CASTOR2: variants seen among roughly 807,000 people sequenced by gnomAD.
CASTOR2 encodes the protein GATS protein like 2.
A neutral mutation model predicts 31.2 loss-of-function variants in CASTOR2; 8 were observed. The ratio of observed to expected loss-of-function variants is 0.26; its 90% CI spans 0.15 to 0.46. The LOEUF (loss-of-function observed/expected upper bound fraction) is 0.46. CASTOR2 is among the 20% of genes least tolerant of loss of function. The pLI is 0.99. For synonymous variants in CASTOR2, 162 were observed against 158.7 expected (o/e 1.02, Z -0.16); for missense variants, 216 against 382.1 (o/e 0.57, Z 3.62).
intron 6 of CASTOR2, 92 bp from the exon 7 acceptor site, chr7:75,021,782 C>G (rs1359252302): frequency 1.3e-5 from 20 of 1,490,080 alleles, no homozygotes; most frequent in Non-Finnish European, 1.7e-5. Flanking sequence ...CCTGGCCAGC[C>G]CCATGCCTCG....
rs917308048 is a variant in CASTOR2, at chr7:75,026,470, G to A, written c.*1771G>A. ...CTCCCAAAATGCCGGGATTACAGGC[G>A]TGAGCCACCACACCCAGCCGAGTTG... On this transcript the variant is annotated 3_prime_UTR_variant, in exon 9 of 9. Coordinates refer to ENST00000616305, the MANE Select transcript of CASTOR2 (RefSeq NM_001145064.3). 2.6e-5 allele frequency among the ~76,000 whole-genome samples: 4 copies of A among 152,074 alleles called. No homozygotes were observed. Among genetic ancestry groups the A allele is most frequent in the Non-Finnish European group, 5.9e-5 (4 of 68,012 alleles).
At chr7:74,977,848 T>G (rs1461529128) in intron 1 of CASTOR2, among the ~76,000 whole-genome samples, 1 of 150,102 alleles carries the variant, frequency 6.7e-6, no homozygotes, top group Non-Finnish European at 1.5e-5. Context: ...CCAGATAATT[T>G]TTGTTTTTTT....
At chr7:75,018,201 G>A in intron 4 of CASTOR2, 79 bp downstream of exon 4, 1 of 1,564,208 alleles carries the variant, frequency 6.4e-7, no homozygotes, top group East Asian at 2.4e-5. Flanking sequence ...CTTACTCTCA[G>A]CACGGGCTTC....
In CASTOR2 at chr7:75,019,077, TC is replaced by T. The variant is rs1804932489; in HGVS notation, c.618del (p.Met207CysfsTer7). On this transcript the variant is annotated frameshift_variant, in exon 5 of 9. Coordinates refer to ENST00000616305, the MANE Select transcript of CASTOR2 (RefSeq NM_001145064.3). LOFTEE classifies it high-confidence loss of function. ...LPAVATLLMD[V>X]MFYSNGVKDP... ...GCTGTTGCCACACTCCTCATGGATG[TC>T]ATGTTCTACTCCAATGGGTAGGGCT... 1 of 1,551,702 alleles carries T rather than the reference TC, an allele frequency of 6.4e-7. No homozygotes were observed. Among genetic ancestry groups the T allele is most frequent in the Non-Finnish European group, 8.7e-7 (1 of 1,147,032 alleles).
rs991216217 is a variant in CASTOR2 at position 75,028,084 on chromosome 7, C to T, written c.*3385C>T. On this transcript the variant is annotated 3_prime_UTR_variant, in exon 9 of 9. Transcript: ENST00000616305. ...GCTGGCGGATGGGGCAGGTGCCTGG[C>T]GGGGGAGGAAGAGGGCTCTCTATGA... The T allele has an allele frequency of 4.0e-6, 6 of 1,511,552 alleles. No homozygotes were observed. Among genetic ancestry groups the T allele is most frequent in the South Asian group, 1.2e-5 (1 of 82,578 alleles). 93.6% of individuals were successfully genotyped at this position (1,511,552 alleles called of 1,614,324 possible). A position where few individuals can be genotyped will look rare whatever the true frequency, so the allele number is the denominator to read the frequency against.
intron 2 of CASTOR2, among the ~76,000 whole-genome samples, chr7:75,014,586 T>C (rs1804825463): frequency 6.6e-6 from 1 of 151,510 alleles, no homozygotes; most frequent in African/African-American, 2.4e-5. Context: ...AGTAAGACAC[T>C]CTCGCTCAAA....
At chr7:75,006,326 G>A (rs2131943466) in intron 1 of CASTOR2, among the ~76,000 whole-genome samples, 1 of 152,246 alleles carries the variant, frequency 6.6e-6, no homozygotes, top group South Asian at 2.1e-4. Flanking sequence ...TTGAAGGGCT[G>A]GGCCATTTTG....
At chr7:75,022,320 C>T (rs1805025286) in intron 7 of CASTOR2, among the ~76,000 whole-genome samples, 1 of 152,082 alleles carries the variant, frequency 6.6e-6, no homozygotes, top group Non-Finnish European at 1.5e-5. Context: ...GCCTGGGAAA[C>T]ATAGCGAGGC....
At chr7:75,007,856 C>G in intron 1 of CASTOR2, 138 bp from the exon 2 acceptor site, 1 of 1,128,986 alleles carries the variant, frequency 8.9e-7, no homozygotes, top group Non-Finnish European at 1.3e-6. Context: ...AGATAAACAA[C>G]TTACCCGCGG....
rs1804638358 is a variant in CASTOR2 at position 75,007,775 on chromosome 7, G to T, written c.114-219G>T. 5.7e-5 allele frequency: 38 copies of T among 662,592 alleles called. No homozygotes were observed. In the South Asian group the frequency reaches 6.9e-4, roughly 12 times the overall value. 41.0% of individuals were successfully genotyped at this position (662,592 alleles called of 1,614,324 possible). A position where few individuals can be genotyped will look rare whatever the true frequency, so the allele number is the denominator to read the frequency against. ...CTCCGAGGTCCCCAAAGATTGCGGG[G>T]GTATAGTGGGGACAATCAGCATCTC... On this transcript the variant is annotated intron_variant, in intron 1 of 8. Transcript: ENST00000616305.
At chr7:75,021,795 C>T in intron 6 of CASTOR2, 79 bp from the exon 7 acceptor site, 9 of 1,524,656 alleles carry the variant, frequency 5.9e-6, no homozygotes, top group Non-Finnish European at 8.0e-6. Context: ...ATGCCTCGCT[C>T]TGGCTGGTGC....
At chr7:74,988,058 A>C in intron 1 of CASTOR2, among the ~76,000 whole-genome samples, 1 of 146,914 alleles carries the variant, frequency 6.8e-6, no homozygotes, top group Non-Finnish European at 1.5e-5. Flanking sequence ...AACTGTTCTC[A>C]CTCTTGGCCT....
At chr7:74,983,234 A>G (rs1746960314) in intron 1 of CASTOR2, among the ~76,000 whole-genome samples, 3 of 138,198 alleles carry the variant, frequency 2.2e-5, no homozygotes, top group Admixed American at 7.4e-5. Context: ...CTGGTCTCAA[A>G]CTCCTGACCT....
chr7:75,009,293 G>A (rs1194827220), intron 2 of CASTOR2, among the ~76,000 whole-genome samples: 7 of 84,326 alleles, frequency 8.3e-5, no homozygotes, highest in Admixed American at 1.8e-4. Flanking sequence ...TTTTTGAGAC[G>A]GAGTCTCGCT....
intron 1 of CASTOR2, among the ~76,000 whole-genome samples, chr7:74,982,117 T>C: frequency 6.9e-6 from 1 of 144,048 alleles, no homozygotes; most frequent in African/African-American, 2.6e-5. Context: ...ACACTTCTTC[T>C]TTGGGGTTAG....
In CASTOR2 at chr7:75,020,034, C is replaced by T. The variant is rs1413135203; in HGVS notation, c.636-5C>T. On this transcript the variant is annotated splice_polypyrimidine_tract_variant and splice_region_variant and intron_variant, in intron 5 of 8. Coordinates refer to ENST00000616305, the MANE Select transcript of CASTOR2 (RefSeq NM_001145064.3). ...CCATCTTTACCAGCTGCCTCTGGTC[C>T]CCAGAGTGAAGGACCCCATGGCCAC... 10 of 1,551,068 alleles carry T rather than the reference C, an allele frequency of 6.4e-6. No individual in the cohort carries two copies. The highest frequency in any genetic ancestry group is 7.8e-6 in the Non-Finnish European group (9 of 1,146,740).
intron 2 of CASTOR2, among the ~76,000 whole-genome samples, chr7:75,015,681 C>T (rs2131952269): frequency 6.6e-6 from 1 of 152,244 alleles, no homozygotes; most frequent in Admixed American, 6.5e-5. Flanking sequence ...GCACTGGAAT[C>T]CTGGCTCTGT....
intron 7 of CASTOR2, among the ~76,000 whole-genome samples, 169 bp from the exon 8 acceptor site, chr7:75,024,271 T>C (rs1473747325): frequency 6.6e-6 from 1 of 151,962 alleles, no homozygotes; most frequent in Non-Finnish European, 1.5e-5. Context: ...GCCTGGGCGA[T>C]GGAGCGAGAC....
intron 1 of CASTOR2, among the ~76,000 whole-genome samples, chr7:74,994,151 C>T (rs1303710688): frequency 1.3e-5 from 2 of 152,392 alleles, no homozygotes; most frequent in South Asian, 2.1e-4. Context: ...TCAGAGATGA[C>T]TCAGCTACTC....
Sources: gnomAD v4.1 joint callset for allele counts (sites outside exome capture counted in the v4.1 genomes callset) on GRCh38, gnomAD v4.1.1 for gene constraint, MANE v1.5 for transcripts, NCBI Gene and HGNC (gene_info 2026-07-23, HGNC 2026-07-21) for gene names.